The following SGCD variants were observed in gnomAD, a reference collection of about 807,000 sequenced individuals.
SGCD encodes sarcoglycan delta.
SGCD carries 18 observed loss-of-function variants against 36.6 expected under a neutral mutation model. The observed-to-expected ratio is 0.49, with a 90% CI of 0.34 to 0.73. The LOEUF is 0.73. SGCD is among the 30% of genes least tolerant of loss of function. The pLI is 0.01. For missense variants in SGCD, 387 were observed against 346.7 expected (o/e 1.12, Z -0.92); for synonymous variants, 133 against 130.6 (o/e 1.02, Z -0.12).
At chr5:156,256,493 G>A (rs916571827) in intron 3 of SGCD, among the ~76,000 whole-genome samples, 4 of 151,998 alleles carry the variant, frequency 2.6e-5, no homozygotes, top group Non-Finnish European at 2.9e-5. Flanking sequence ...TCCAGTTGTC[G>A]CATCTATCAT....
intron 3 of SGCD, among the ~76,000 whole-genome samples, chr5:156,208,368 C>T (rs959598613): frequency 2.0e-5 from 3 of 152,226 alleles, no homozygotes; most frequent in Non-Finnish European, 4.4e-5. Context: ...TGCTTGATGA[C>T]TCAGAAGCTC....
intron 7 of SGCD, among the ~76,000 whole-genome samples, chr5:156,706,704 C>T (rs757034878): frequency 2.0e-5 from 3 of 152,136 alleles, no homozygotes; most frequent in Non-Finnish European, 4.4e-5. Context: ...ATAGTCTGCT[C>T]CTCCCTGCAC....
At chr5:156,196,700 G>A (rs1764031969) in intron 3 of SGCD, among the ~76,000 whole-genome samples, 1 of 152,086 alleles carries the variant, frequency 6.6e-6, no homozygotes. Context: ...TATATAATGA[G>A]AGAAAAGAGC....
At chr5:156,481,778 A>G (rs909158534) in intron 3 of SGCD, among the ~76,000 whole-genome samples, 1 of 152,172 alleles carries the variant, frequency 6.6e-6, no homozygotes, top group Non-Finnish European at 1.5e-5. Flanking sequence ...GAGGTCAAGG[A>G]GCACACCTGG....
intron 4 of SGCD, among the ~76,000 whole-genome samples, chr5:156,524,966 C>T (rs921964213): frequency 2.0e-5 from 3 of 152,040 alleles, no homozygotes; most frequent in African/African-American, 2.4e-5. Context: ...ATTTTCTTTG[C>T]TCATTCATCT....
intron 3 of SGCD, among the ~76,000 whole-genome samples, chr5:156,405,842 C>T (rs946694336): frequency 6.6e-6 from 1 of 152,030 alleles, no homozygotes; most frequent in Non-Finnish European, 1.5e-5. Flanking sequence ...GAGTCTTCTG[C>T]TGAGTCTGGC....
intron 3 of SGCD, among the ~76,000 whole-genome samples, chr5:156,376,971 C>T (rs1770703708): frequency 2.0e-5 from 3 of 151,566 alleles, no homozygotes; most frequent in South Asian, 4.1e-4. Flanking sequence ...AATTAATCAT[C>T]AATAAAAAAA....
At chr5:156,618,592 CAAAAAAAAAAAA>C (rs748789128) in intron 6 of SGCD, among the ~76,000 whole-genome samples, 1 of 76,362 alleles carries the variant, frequency 1.3e-5, no homozygotes, top group Non-Finnish European at 2.7e-5. Flanking sequence ...TCATAATTCT[CAAAAAAAAAAAA>C]AAAAAAAAGA....
chr5:156,671,682 T>G (rs1215211767), intron 7 of SGCD, among the ~76,000 whole-genome samples: 1 of 152,206 alleles, frequency 6.6e-6, no homozygotes, highest in Non-Finnish European at 1.5e-5. Flanking sequence ...GCTGGGATTT[T>G]TAGGTGGATG....
intron 3 of SGCD, among the ~76,000 whole-genome samples, chr5:156,467,361 C>G (rs1017059616): frequency 2.6e-5 from 4 of 152,146 alleles, no homozygotes; most frequent in African/African-American, 9.7e-5. Flanking sequence ...GTTAAAATCT[C>G]AGTTATTCAG....
intron 3 of SGCD, among the ~76,000 whole-genome samples, chr5:156,423,391 T>A (rs867753197): frequency 8.4e-5 from 5 of 59,490 alleles, no homozygotes; most frequent in East Asian, 5.8e-4. Flanking sequence ...ATATAATATA[T>A]TATATTTTAT....
intron 2 of SGCD, among the ~76,000 whole-genome samples, chr5:156,122,003 A>G (rs1762053398): frequency 6.6e-6 from 1 of 152,162 alleles, no homozygotes; most frequent in African/African-American, 2.4e-5. Context: ...AGCTTCCCAA[A>G]TACAACTAAC....
At chr5:156,217,090 TAATAA>T (rs1432312383) in intron 3 of SGCD, among the ~76,000 whole-genome samples, 2 of 151,752 alleles carry the variant, frequency 1.3e-5, no homozygotes, top group African/African-American at 4.8e-5. Context: ...ATAAAAAAAA[TAATAA>T]AATAAAAAAG....
intron 3 of SGCD, among the ~76,000 whole-genome samples, chr5:156,436,761 ACT>A (rs766432209): frequency 5.3e-5 from 8 of 152,212 alleles, no homozygotes; most frequent in Admixed American, 1.3e-4. Context: ...AAATGTCCAA[ACT>A]CTCTGGTTTT....
chr5:156,203,856 G>A (rs1213407839), intron 3 of SGCD, among the ~76,000 whole-genome samples: 1 of 151,998 alleles, frequency 6.6e-6, no homozygotes. Flanking sequence ...AACATGAGGA[G>A]GTAATTTTTT....
intron 4 of SGCD, among the ~76,000 whole-genome samples, chr5:156,577,483 T>C (rs1252921730): frequency 6.6e-6 from 1 of 152,206 alleles, no homozygotes; most frequent in East Asian, 1.9e-4. Flanking sequence ...GGGAATGGCA[T>C]TGAATCTATA....
intron 7 of SGCD, among the ~76,000 whole-genome samples, chr5:156,681,551 G>A (rs1010254520): frequency 8.5e-5 from 13 of 152,186 alleles, no homozygotes; most frequent in African/African-American, 3.1e-4. Flanking sequence ...CTTAAGGGTG[G>A]AGTTTAGCTG....
At chr5:155,951,577 T>A (rs1286408898) in intron 1 of SGCD, among the ~76,000 whole-genome samples, 1 of 152,190 alleles carries the variant, frequency 6.6e-6, no homozygotes, top group African/African-American at 2.4e-5. Flanking sequence ...ATTGGTCACA[T>A]AGGTGTGCTC....
chr5:155,858,018 T>A, the SGCD span, among the ~76,000 whole-genome samples: 1 of 152,230 alleles, frequency 6.6e-6, no homozygotes, highest in Non-Finnish European at 1.5e-5. Context: ...CTATTTTATC[T>A]CTTGTGTAGG....
Sources: allele counts gnomAD v4.1 joint callset (sites outside exome capture counted in the v4.1 genomes callset), GRCh38; gene constraint gnomAD v4.1.1; transcripts MANE v1.5; gene names NCBI Gene and HGNC (gene_info 2026-07-23, HGNC 2026-07-21).